NEGR1: variants seen among roughly 807,000 people sequenced by gnomAD.
NEGR1 encodes IgLON family member 4.
NEGR1 carries 10 observed loss-of-function variants against 40.9 expected under a neutral mutation model. That is an observed-to-expected ratio of 0.24 (90% CI 0.15 to 0.42). NEGR1 has a LOEUF of 0.42. NEGR1 is among the 10% of genes least tolerant of loss of function. The pLI, the probability that NEGR1 is intolerant of heterozygous loss-of-function variation, is 1.00. For missense variants in NEGR1, 352 were observed against 438.9 expected, an observed-to-expected ratio of 0.80 and a Z score of 1.77; for synonymous variants, 185 against 166.8, an observed-to-expected ratio of 1.11 and a Z score of -0.84.
chr1:71,497,279 A>G (rs1477499376), intron 6 of NEGR1, among the ~76,000 whole-genome samples: 1 of 152,196 alleles, frequency 6.6e-6, no homozygotes, highest in Non-Finnish European at 1.5e-5. Context: ...TAAGCAATGC[A>G]CACAATCTTT....
chr1:71,688,478 GAC>G (rs1435045779), intron 4 of NEGR1, among the ~76,000 whole-genome samples: 1 of 9,566 alleles, frequency 1.0e-4, no homozygotes, highest in East Asian at 4.9e-3. Flanking sequence ...TTTTTTTTGA[GAC>G]AGAGTCTTGC....
chr1:72,209,860 GAC>G (rs1443621395), intron 1 of NEGR1, among the ~76,000 whole-genome samples: 1 of 151,734 alleles, frequency 6.6e-6, no homozygotes, highest in East Asian at 1.9e-4. Flanking sequence ...CTATGTGACA[GAC>G]ACACACACTA....
At chr1:71,746,071 G>A (rs777006515) in intron 3 of NEGR1, among the ~76,000 whole-genome samples, 5 of 152,054 alleles carry the variant, frequency 3.3e-5, no homozygotes, top group Non-Finnish European at 5.9e-5. Context: ...TTGAACCTAC[G>A]CATAAAAATG....
intron 3 of NEGR1, among the ~76,000 whole-genome samples, chr1:71,723,640 A>G: frequency 6.6e-6 from 1 of 152,032 alleles, no homozygotes; most frequent in African/African-American, 2.4e-5. Context: ...ACCTCACCCT[A>G]TGTACCCCAT....
At chr1:71,650,943 G>T (rs1271738961) in intron 4 of NEGR1, among the ~76,000 whole-genome samples, 1 of 151,974 alleles carries the variant, frequency 6.6e-6, no homozygotes, top group African/African-American at 2.4e-5. Flanking sequence ...TACTAACATT[G>T]TTTACCTACC....
intron 4 of NEGR1, among the ~76,000 whole-genome samples, chr1:71,657,058 G>C (rs992390133): frequency 3.3e-5 from 5 of 152,160 alleles, no homozygotes; most frequent in African/African-American, 1.2e-4. Flanking sequence ...ATTGAGCAAG[G>C]AACCCCATGG....
intron 2 of NEGR1, among the ~76,000 whole-genome samples, chr1:71,895,751 A>C (rs1047794767): frequency 1.3e-5 from 2 of 152,192 alleles, no homozygotes; most frequent in African/African-American, 4.8e-5. Flanking sequence ...AACGCTGCTA[A>C]GAGCATTCAT....
At chr1:71,507,013 A>C (rs1418658568) in intron 6 of NEGR1, among the ~76,000 whole-genome samples, 1 of 152,208 alleles carries the variant, frequency 6.6e-6, no homozygotes, top group Non-Finnish European at 1.5e-5. Context: ...TACACACTTA[A>C]AAAAATCTGG....
At chr1:71,456,292 G>A (rs1289780225) in intron 6 of NEGR1, among the ~76,000 whole-genome samples, 1 of 152,098 alleles carries the variant, frequency 6.6e-6, no homozygotes, top group Non-Finnish European at 1.5e-5. Context: ...TATTTCTGTA[G>A]TGATGGGGTA....
chr1:71,438,851 T>C (rs908317366), intron 6 of NEGR1, among the ~76,000 whole-genome samples: 1 of 152,182 alleles, frequency 6.6e-6, no homozygotes, highest in Admixed American at 6.5e-5. Context: ...CAAGTCTCAC[T>C]GGCCAGTGAT....
chr1:72,223,967 A>G (rs925327158), intron 1 of NEGR1, among the ~76,000 whole-genome samples: 1 of 152,154 alleles, frequency 6.6e-6, no homozygotes, highest in Non-Finnish European at 1.5e-5. Flanking sequence ...CTGACTAATT[A>G]TTACCAATGC....
chr1:72,087,746 C>T (rs1250484608), intron 1 of NEGR1, among the ~76,000 whole-genome samples: 1 of 136,630 alleles, frequency 7.3e-6, no homozygotes, highest in Non-Finnish European at 1.6e-5. Context: ...GTGTGTGCCA[C>T]TGTGCTTTTT....
intron 2 of NEGR1, among the ~76,000 whole-genome samples, chr1:71,802,059 T>C (rs567264924): frequency 6.6e-6 from 1 of 152,300 alleles, no homozygotes; most frequent in South Asian, 2.1e-4. Flanking sequence ...AATTGTGTTC[T>C]AGTGATCTGT....
intron 1 of NEGR1, among the ~76,000 whole-genome samples, chr1:72,055,890 C>A (rs955111107): frequency 1.1e-4 from 16 of 149,766 alleles, no homozygotes; most frequent in African/African-American, 3.6e-4. Flanking sequence ...ACCTGGAAAT[C>A]TGGCTTCTAG....
intron 6 of NEGR1, among the ~76,000 whole-genome samples, chr1:71,541,634 C>G (rs1442832835): frequency 1.3e-5 from 2 of 151,748 alleles, no homozygotes. Context: ...TGGGTAAGGA[C>G]AGATTCAACA....
chr1:72,046,223 AGAGT>A (rs1261835446), intron 1 of NEGR1, among the ~76,000 whole-genome samples: 4 of 151,720 alleles, frequency 2.6e-5, no homozygotes, highest in African/African-American at 9.7e-5. Flanking sequence ...AGTTTGAGAG[AGAGT>A]AAATATTGAA....
chr1:71,853,383 G>A (rs1384366839), intron 2 of NEGR1, among the ~76,000 whole-genome samples: 1 of 152,054 alleles, frequency 6.6e-6, no homozygotes, highest in Non-Finnish European at 1.5e-5. Context: ...AGGATTTAAT[G>A]TGACATTGCT....
At chr1:71,756,407 C>CAAAAAAAAAAAA (rs869043335) in intron 3 of NEGR1, among the ~76,000 whole-genome samples, 1 of 45,746 alleles carries the variant, frequency 2.2e-5, no homozygotes. Context: ...AAAACAAAAA[C>CAAAAAAAAAAAA]AAACAAAAAA....
intron 6 of NEGR1, among the ~76,000 whole-genome samples, chr1:71,427,118 C>T (rs1440872243): frequency 3.9e-5 from 6 of 152,148 alleles, no homozygotes; most frequent in African/African-American, 2.4e-5. Context: ...TGCATGCTCA[C>T]GTTGGAGATG....
Sources: gnomAD v4.1 joint callset for allele counts (sites outside exome capture counted in the v4.1 genomes callset) on GRCh38, gnomAD v4.1.1 for gene constraint, MANE v1.5 for transcripts, NCBI Gene and HGNC (gene_info 2026-07-23, HGNC 2026-07-21) for gene names.